The following LINGO2 variants were observed in gnomAD, a reference collection of about 807,000 sequenced individuals.
LINGO2 encodes leucine rich repeat and Ig domain containing 2.
Under a neutral mutation model 30.6 loss-of-function variants are expected in LINGO2, and 14 were observed. The observed-to-expected ratio is 0.46, with a 90% CI of 0.30 to 0.72. The LOEUF (loss-of-function observed/expected upper bound fraction) is 0.72, where lower values mean the gene tolerates loss of function less well. Ranked by LOEUF, LINGO2 falls within the 30% of genes least tolerant of loss-of-function variation. LINGO2 has a pLI of 0.07. For synonymous variants in LINGO2, 317 were observed against 288.5 expected (o/e 1.10, Z -1.00); for missense variants, 729 against 751.7 (o/e 0.97, Z 0.35).
At chr9:28,491,488 G>A (rs1196707658) in intron 1 of LINGO2, among the ~76,000 whole-genome samples, 2 of 152,164 alleles carry the variant, frequency 1.3e-5, no homozygotes, top group African/African-American at 4.8e-5. Flanking sequence ...CAAGCAGCAG[G>A]ATACAGCATT....
chr9:28,599,691 T>C (rs1825380695), intron 1 of LINGO2, among the ~76,000 whole-genome samples: 1 of 152,208 alleles, frequency 6.6e-6, no homozygotes, highest in African/African-American at 2.4e-5. Context: ...CATCAATAGA[T>C]GGATTTGTTT....
intron 4 of LINGO2, among the ~76,000 whole-genome samples, chr9:28,091,053 C>T (rs747997476): frequency 2.0e-5 from 3 of 151,756 alleles, no homozygotes; most frequent in African/African-American, 2.4e-5. Flanking sequence ...CACTGCTCAA[C>T]GAAATAAAAG....
the LINGO2 span, among the ~76,000 whole-genome samples, chr9:28,714,164 A>AATCTATATATATATATATATATAT: frequency 5.0e-4 from 58 of 117,150 alleles, no homozygotes; most frequent in African/African-American, 1.8e-3. Flanking sequence ...TGCCTCAAAT[A>AATCTATATATATATATATATATAT]ATATATATAT....
intron 1 of LINGO2, among the ~76,000 whole-genome samples, chr9:28,478,283 A>G (rs1417535116): frequency 6.6e-6 from 1 of 152,076 alleles, no homozygotes; most frequent in African/African-American, 2.4e-5. Flanking sequence ...TTTTTTTCCT[A>G]TCTGAATCAT....
At chr9:28,874,065 T>C in the LINGO2 span, among the ~76,000 whole-genome samples, 1 of 152,040 alleles carries the variant, frequency 6.6e-6, no homozygotes, top group Non-Finnish European at 1.5e-5. Context: ...ATTAAAAACT[T>C]ATTAATTTGG....
intron 3 of LINGO2, among the ~76,000 whole-genome samples, chr9:28,325,928 C>T: frequency 6.6e-6 from 1 of 152,168 alleles, no homozygotes; most frequent in Admixed American, 6.5e-5. Context: ...TCCCCTACTG[C>T]AACAGTCTTA....
At chr9:28,698,820 T>C in the LINGO2 span, among the ~76,000 whole-genome samples, 3 of 151,838 alleles carry the variant, frequency 2.0e-5, no homozygotes, top group Admixed American at 6.6e-5. Context: ...GACTGGAGGA[T>C]TGCTTGAGGC....
the LINGO2 span, among the ~76,000 whole-genome samples, chr9:29,171,044 T>G: frequency 9.9e-5 from 15 of 152,224 alleles, no homozygotes; most frequent in African/African-American, 3.4e-4. Flanking sequence ...TTTGAAGAAC[T>G]TCTTCTATCC....
chr9:28,695,749 TA>T, the LINGO2 span, among the ~76,000 whole-genome samples: 39,436 of 142,146 alleles, frequency 0.28, 5,369 homozygotes, highest in Admixed American at 0.41. Context: ...GCATTTCTGT[TA>T]AAAAAAAAAA....
Position 28,307,590 on chromosome 9 carries a change from C to T in LINGO2, c.-245-12224G>A, listed in dbSNP as rs568548403. On this transcript the variant is annotated intron_variant, in intron 3 of 5. Coordinates refer to ENST00000379992, the Ensembl canonical transcript of LINGO2. ...GGAAGTTCTCGCCAGGGCAATTAGG[C>T]AGGAGAAGGAAATAAAGGGTATTCA... 3.3e-5 allele frequency among the ~76,000 whole-genome samples: 5 copies of T among 152,160 alleles called. No homozygotes were observed. The South Asian group carries it at 1.0e-3, about 32-fold the overall frequency.
At chr9:28,660,317 T>C (rs1221229849) in intron 1 of LINGO2, among the ~76,000 whole-genome samples, 1 of 151,770 alleles carries the variant, frequency 6.6e-6, no homozygotes, top group Non-Finnish European at 1.5e-5. Flanking sequence ...AATAATTAAT[T>C]CAAAATATCT....
the LINGO2 span, among the ~76,000 whole-genome samples, chr9:28,953,133 T>A: frequency 6.6e-6 from 1 of 152,212 alleles, no homozygotes. Flanking sequence ...GTACATATGT[T>A]TGGTCTGAGA....
chr9:28,929,560 C>T, the LINGO2 span, among the ~76,000 whole-genome samples: 1 of 152,064 alleles, frequency 6.6e-6, no homozygotes, highest in Non-Finnish European at 1.5e-5. Flanking sequence ...AGCAAATAGT[C>T]CCAGTCTGTA....
chr9:28,323,823 C>G (rs181262519), intron 3 of LINGO2, among the ~76,000 whole-genome samples: 4 of 152,176 alleles, frequency 2.6e-5, no homozygotes, highest in Admixed American at 2.0e-4. Flanking sequence ...GAGGAGGAAT[C>G]ATCAGACATA....
the LINGO2 span, among the ~76,000 whole-genome samples, chr9:28,868,700 CA>C: frequency 6.6e-6 from 1 of 152,098 alleles, no homozygotes; most frequent in Non-Finnish European, 1.5e-5. Flanking sequence ...TTATTTCTCT[CA>C]TTAATGAAAA....
intron 2 of LINGO2, among the ~76,000 whole-genome samples, chr9:28,415,983 C>T (rs149747005): frequency 0.01 from 1,542 of 152,242 alleles, 19 homozygotes; most frequent in South Asian, 0.03. Context: ...ATACAATACA[C>T]CTTATTAAAC....
chr9:28,555,846 A>T lies in LINGO2; in HGVS notation c.-364-79821T>A, dbSNP rs373375256. Among the ~76,000 whole-genome samples, 3 of 151,894 alleles carry T rather than the reference A, an allele frequency of 2.0e-5. No individual in the cohort carries two copies. In the South Asian group the frequency reaches 6.2e-4, roughly 32 times the overall value. On this transcript the variant is annotated intron_variant, in intron 1 of 5. Transcript: ENST00000379992. ...TGGGATGCAAGGCTGGTTCAATATA[A>T]GCAAATCAATAAATGTAATCCAGCA...
chr9:28,816,031 G>A, the LINGO2 span, among the ~76,000 whole-genome samples: 100 of 152,280 alleles, frequency 6.6e-4, no homozygotes, highest in Admixed American at 1.0e-3. Flanking sequence ...GCATAACATG[G>A]TGGAAGGCAT....
chr9:27,969,338 A>C (rs935712795), intron 5 of LINGO2, among the ~76,000 whole-genome samples: 3 of 152,166 alleles, frequency 2.0e-5, no homozygotes, highest in African/African-American at 7.2e-5. Flanking sequence ...GTTTTCCAAC[A>C]AGAAAACTGG....
Sources: allele counts gnomAD v4.1 joint callset (sites outside exome capture counted in the v4.1 genomes callset), GRCh38; gene constraint gnomAD v4.1.1; transcripts MANE v1.5; gene names NCBI Gene and HGNC (gene_info 2026-07-23, HGNC 2026-07-21).